The following RHOU variants were observed in gnomAD, a reference collection of about 807,000 sequenced individuals.
The protein encoded by RHOU is rho-related GTP-binding protein RhoU.
A neutral mutation model predicts 12.6 loss-of-function variants in RHOU; 8 were observed. That is an observed-to-expected ratio of 0.64 (90% confidence interval 0.37 to 1.15). RHOU has a LOEUF of 1.15. RHOU is among the 50% of genes most tolerant of loss of function. The pLI is 0.01. For missense variants in RHOU, 258 were observed against 347.0 expected (o/e 0.74, Z 2.04); for synonymous variants, 161 against 147.4 (o/e 1.09, Z -0.67).
At chr1:228,675,523 A>C in the RHOU span, among the ~76,000 whole-genome samples, 1 of 152,256 alleles carries the variant, frequency 6.6e-6, no homozygotes, top group African/African-American at 2.4e-5. Flanking sequence ...GGCAAAGTAC[A>C]TACCGCTCCA....
At position 228,737,903 on chromosome 1, in the gene RHOU, G is replaced by A. The variant is rs948860143; in HGVS notation, c.321+172G>A. ...GTGGGCAGGGGCCAGGTTATTGGCC[G>A]GCAGGAAGCAGAGGAAGATACCTCC... On this transcript the variant is annotated intron_variant, in intron 2 of 2. Transcript: ENST00000366691. This position sits in a 1 kb window ranked among gnomAD's most constrained non-coding sequence, Gnocchi z 4.1. 6.6e-6 allele frequency among the ~76,000 whole-genome samples: 1 copy of A among 152,194 alleles called. No individual in the cohort carries two copies. Among genetic ancestry groups the A allele is most frequent in the Non-Finnish European group, 1.5e-5 (1 of 68,042 alleles).
chr1:228,716,819 T>A, the RHOU span, among the ~76,000 whole-genome samples: 1 of 152,256 alleles, frequency 6.6e-6, no homozygotes, highest in East Asian at 1.9e-4. Flanking sequence ...AAAATATGTT[T>A]TTTTCAGTTT....
chr1:228,691,987 A>G, the RHOU span, among the ~76,000 whole-genome samples: 1 of 152,240 alleles, frequency 6.6e-6, no homozygotes, highest in Non-Finnish European at 1.5e-5. Context: ...ACTAAATGCA[A>G]TCATGAACTT....
At chr1:228,658,350 G>C in the RHOU span, among the ~76,000 whole-genome samples, 1 of 148,492 alleles carries the variant, frequency 6.7e-6, no homozygotes, top group African/African-American at 2.5e-5. Context: ...CATGAGGATA[G>C]AAGTCCTTAT....
chr1:228,664,965 T>C, the RHOU span, among the ~76,000 whole-genome samples: 1 of 152,194 alleles, frequency 6.6e-6, no homozygotes, highest in Non-Finnish European at 1.5e-5. Flanking sequence ...CAAGCTTTAT[T>C]AACTAACATT....
chr1:228,647,389 G>C, the RHOU span, among the ~76,000 whole-genome samples: 1 of 152,204 alleles, frequency 6.6e-6, no homozygotes, highest in Non-Finnish European at 1.5e-5. Flanking sequence ...CGGAGGCCTG[G>C]GTCTCTGGCG....
chr1:228,687,662 T>G, the RHOU span: 1 of 1,527,182 alleles, frequency 6.5e-7, no homozygotes, highest in Non-Finnish European at 9.0e-7. Flanking sequence ...ATGACCCCCA[T>G]TTGTGTGACT....
chr1:228,646,756 T>G, the RHOU span, among the ~76,000 whole-genome samples: 1 of 151,828 alleles, frequency 6.6e-6, no homozygotes, highest in African/African-American at 2.4e-5. Context: ...ACACACCCGT[T>G]CGTTCTCGTT....
At chr1:228,674,951 A>C in the RHOU span, among the ~76,000 whole-genome samples, 1 of 151,636 alleles carries the variant, frequency 6.6e-6, no homozygotes, top group East Asian at 2.0e-4. Flanking sequence ...GGATGGTCTC[A>C]ATCTCCTGAC....
chr1:228,717,858 A>G, the RHOU span, among the ~76,000 whole-genome samples: 1 of 152,234 alleles, frequency 6.6e-6, no homozygotes, highest in African/African-American at 2.4e-5. Context: ...TAAAAAGTTA[A>G]TTCAAGATCA....
At chr1:228,661,635 G>C in the RHOU span, among the ~76,000 whole-genome samples, 1 of 152,152 alleles carries the variant, frequency 6.6e-6, no homozygotes, top group Non-Finnish European at 1.5e-5. Context: ...TATGTAGAAA[G>C]CTGAAACTGG....
chr1:228,691,939 T>C, the RHOU span, among the ~76,000 whole-genome samples: 3 of 152,210 alleles, frequency 2.0e-5, no homozygotes, highest in Admixed American at 6.5e-5. Context: ...TTTATTGTAC[T>C]TGGGAATGAT....
chr1:228,646,652 T>G, the RHOU span, among the ~76,000 whole-genome samples: 1 of 144,918 alleles, frequency 6.9e-6, no homozygotes, highest in African/African-American at 2.6e-5. Context: ...GGGCTGGCAC[T>G]AGAGGCGGCG....
At chr1:228,651,876 A>G in the RHOU span, among the ~76,000 whole-genome samples, 2 of 152,228 alleles carry the variant, frequency 1.3e-5, no homozygotes, top group African/African-American at 4.8e-5. Context: ...GTAACCCTAC[A>G]GGGTTTGTGG....
chr1:228,733,918 A>T (rs1445672693), upstream of RHOU, among the ~76,000 whole-genome samples: 1 of 152,184 alleles, frequency 6.6e-6, no homozygotes, highest in African/African-American at 2.4e-5. Context: ...CACTTGCCTG[A>T]CCCTGAGAGT....
the RHOU span, chr1:228,687,411 T>G: frequency 1.7e-6 from 2 of 1,157,836 alleles, no homozygotes; most frequent in Non-Finnish European, 2.6e-6. Flanking sequence ...CCAACATGCA[T>G]GCACTGCCTT....
chr1:228,716,397 CTA>C, the RHOU span, among the ~76,000 whole-genome samples: 1 of 152,128 alleles, frequency 6.6e-6, no homozygotes. Context: ...TTAAATCATT[CTA>C]TATATGTTAA....
At chr1:228,665,601 A>G in the RHOU span, among the ~76,000 whole-genome samples, 1 of 152,188 alleles carries the variant, frequency 6.6e-6, no homozygotes, top group Non-Finnish European at 1.5e-5. Context: ...CTTTGAGTAG[A>G]GTGGGATGGG....
chr1:228,665,311 A>G, the RHOU span, among the ~76,000 whole-genome samples: 1 of 152,214 alleles, frequency 6.6e-6, no homozygotes, highest in African/African-American at 2.4e-5. Context: ...AGAAACCAAG[A>G]TAAAGAGGTG....
Sources: allele counts gnomAD v4.1 joint callset (sites outside exome capture counted in the v4.1 genomes callset), GRCh38; gene constraint gnomAD v4.1.1; non-coding constraint Gnocchi (gnomAD v3.1); transcripts MANE v1.5; gene names NCBI Gene and HGNC (gene_info 2026-07-23, HGNC 2026-07-21).